Variants in CDH13 observed in about 807,000 individuals in gnomAD.
CDH13 encodes cadherin 13, also known as cadherin-13.
In CDH13, 24 loss-of-function variants were observed where a neutral mutation model predicts 63.8. The observed-to-expected ratio is 0.38, with a 90% confidence interval of 0.27 to 0.53. The LOEUF is 0.53. Among genes scored for constraint, CDH13 ranks in the 20% least tolerant of loss-of-function variants. The probability of loss-of-function intolerance (pLI) is 0.85; values close to 1 mark genes in which losing one functional copy is unlikely to be tolerated. For missense variants in CDH13, 1,049 were observed against 903.1 expected, an observed-to-expected ratio of 1.16 and a Z score of -2.07; for synonymous variants, 503 against 355.3, an observed-to-expected ratio of 1.42 and a Z score of -4.67.
chr16:82,742,875 C>T (rs1462171144), intron 1 of CDH13, among the ~76,000 whole-genome samples: 1 of 152,064 alleles, frequency 6.6e-6, no homozygotes, highest in African/African-American at 2.4e-5. Context: ...TCCATGAGTC[C>T]ATTAAAAACA....
intron 5 of CDH13, 112 bp downstream of exon 5, chr16:83,217,609 G>A: frequency 9.5e-7 from 1 of 1,054,212 alleles, no homozygotes; most frequent in Non-Finnish European, 1.4e-6. Context: ...GGGACTGCAT[G>A]GCTTTAGGGT....
At chr16:83,301,033 T>TTG in intron 5 of CDH13, among the ~76,000 whole-genome samples, 1 of 129,126 alleles carries the variant, frequency 7.7e-6, no homozygotes, top group East Asian at 2.3e-4. Flanking sequence ...GGGTTTTTTT[T>TTG]TTTTTTTTTT....
chr16:83,216,411 T>C lies in CDH13; in HGVS notation c.484-934T>C, dbSNP rs528247280. ...TCCAGCATTGAAATATATATATATATATATATATATATATATATATATATA... is the reference window on the plus strand; with the variant it reads ...TCCAGCATTGAAATATATATATATACATATATATATATATATATATATATA... On this transcript the variant is annotated intron_variant, in intron 4 of 13. Coordinates refer to ENST00000567109, the MANE Select transcript of CDH13 (RefSeq NM_001257.5). Among the ~76,000 whole-genome samples, 250 of 80,002 alleles carry C rather than the reference T, an allele frequency of 3.1e-3. 16 individuals are homozygous for C. Among genetic ancestry groups the C allele is most frequent in the Non-Finnish European group, 5.2e-3 (203 of 39,288 alleles). 52.5% of individuals were successfully genotyped at this position (80,002 alleles called of 152,430 possible).
intron 8 of CDH13, among the ~76,000 whole-genome samples, chr16:83,627,646 G>A (rs1231448856): frequency 6.6e-6 from 1 of 152,060 alleles, no homozygotes; most frequent in Admixed American, 6.5e-5. Flanking sequence ...GGCCTCTCAG[G>A]CTCAACCAAT....
chr16:82,858,487 C>G lies in CDH13; in HGVS notation c.157+14C>G, dbSNP rs760878454. The G allele has an allele frequency of 5.6e-6, 8 of 1,440,716 alleles. No homozygotes were observed. The highest frequency in any genetic ancestry group is 3.4e-5 in the South Asian group (3 of 87,516). 89.2% of individuals were successfully genotyped at this position (1,440,716 alleles called of 1,614,324 possible). A position where few individuals can be genotyped will look rare whatever the true frequency, so the allele number is the denominator to read the frequency against. On this transcript the variant is annotated intron_variant, in intron 2 of 13. Transcript: ENST00000567109. ...CAATTCTAAACTGTAAGCAATGTCA[C>G]TCAAAGATGCTTTTAGACTCTTCTC...
At chr16:83,179,018 G>A (rs2038240801) in intron 4 of CDH13, among the ~76,000 whole-genome samples, 1 of 152,074 alleles carries the variant, frequency 6.6e-6, no homozygotes, top group South Asian at 2.1e-4. Context: ...ACAACTATTT[G>A]TTCATAGGAC....
intron 4 of CDH13, among the ~76,000 whole-genome samples, chr16:83,203,705 A>C (rs1260682281): frequency 6.6e-6 from 1 of 151,770 alleles, no homozygotes; most frequent in African/African-American, 2.4e-5. Flanking sequence ...AAAATAAAGC[A>C]AAATCTATAC....
rs768560727 is a variant in CDH13, at chr16:83,191,462, T to TAGATATAG, written c.484-25882_484-25881insGATATAGA. The stretch of plus-strand genomic sequence containing the variant: ...AGAAGGACAGAACTAATAGGAAATA[T>TAGATATAG]ATATATATATATATATATATATATA... On this transcript the variant is annotated intron_variant, in intron 4 of 13. Transcript: ENST00000567109. 5.2e-3 allele frequency among the ~76,000 whole-genome samples: 552 copies of TAGATATAG among 105,548 alleles called. 4 individuals carry two copies. Among genetic ancestry groups the TAGATATAG allele is most frequent in the Non-Finnish European group, 8.1e-3 (422 of 52,072 alleles). 69.2% of individuals were successfully genotyped at this position (105,548 alleles called of 152,430 possible).
chr16:83,725,349 G>A (rs966885735), intron 10 of CDH13: 3 of 152,258 alleles, frequency 2.0e-5, no homozygotes, highest in Non-Finnish European at 4.4e-5. Flanking sequence ...CGTCAGTCTG[G>A]GAAACATGAG....
At chr16:83,359,873 G>A (rs893049456) in intron 6 of CDH13, among the ~76,000 whole-genome samples, 5 of 152,072 alleles carry the variant, frequency 3.3e-5, no homozygotes, top group Non-Finnish European at 5.9e-5. Context: ...AGAATTGTGC[G>A]ATCATTGCCA....
At chr16:83,720,025 G>A (rs946515468) in intron 10 of CDH13, among the ~76,000 whole-genome samples, 28 of 152,186 alleles carry the variant, frequency 1.8e-4, no homozygotes, top group African/African-American at 6.3e-4. Context: ...ATTCAAGATG[G>A]AATCAAGCTT....
chr16:83,289,956 C>T (rs1291514962), intron 5 of CDH13, among the ~76,000 whole-genome samples: 2 of 152,168 alleles, frequency 1.3e-5, no homozygotes, highest in South Asian at 2.1e-4. Flanking sequence ...GAACAAGACT[C>T]TTCCTCTTAT....
chr16:82,719,066 G>T (rs527757198), intron 1 of CDH13, among the ~76,000 whole-genome samples: 1 of 152,298 alleles, frequency 6.6e-6, no homozygotes, highest in Non-Finnish European at 1.5e-5. Context: ...TTCCCTGGGT[G>T]GTTATGAGCC....
chr16:83,701,210 A>G (rs1906169565), intron 10 of CDH13, among the ~76,000 whole-genome samples: 1 of 152,196 alleles, frequency 6.6e-6, no homozygotes, highest in East Asian at 1.9e-4. Context: ...GAGCCAGAAT[A>G]AAACTCTCAG....
intron 1 of CDH13, among the ~76,000 whole-genome samples, chr16:82,675,523 G>C (rs1200999013): frequency 6.6e-6 from 1 of 152,146 alleles, no homozygotes; most frequent in Non-Finnish European, 1.5e-5. Context: ...TGACTCCTTG[G>C]CCCAGCACAG....
intron 5 of CDH13, among the ~76,000 whole-genome samples, chr16:83,273,044 G>T (rs2088873589): frequency 6.6e-6 from 1 of 152,118 alleles, no homozygotes; most frequent in African/African-American, 2.4e-5. Context: ...ACAGGCTTTT[G>T]TTTCGTAACT....
At chr16:83,672,409 C>CTTTTTTT (rs34156503) in intron 9 of CDH13, among the ~76,000 whole-genome samples, 782 of 35,150 alleles carry the variant, frequency 0.022, 232 homozygotes, top group Non-Finnish European at 0.031. Flanking sequence ...TCTGGATTCT[C>CTTTTTTT]TTTTTTTTTT....
intron 8 of CDH13, among the ~76,000 whole-genome samples, chr16:83,626,704 C>T (rs1190109491): frequency 6.6e-6 from 1 of 152,142 alleles, no homozygotes; most frequent in Non-Finnish European, 1.5e-5. Flanking sequence ...TTGCCTCCTA[C>T]TTCCAATTCA....
At chr16:82,861,729 A>G (rs2039954167) in intron 2 of CDH13, among the ~76,000 whole-genome samples, 2 of 152,172 alleles carry the variant, frequency 1.3e-5, no homozygotes, top group Admixed American at 6.5e-5. Context: ...TCACATCTGA[A>G]TCACTCTTTA....
Sources: gnomAD v4.1 joint callset for allele counts (sites outside exome capture counted in the v4.1 genomes callset) on GRCh38, gnomAD v4.1.1 for gene constraint, MANE v1.5 for transcripts, NCBI Gene and HGNC (gene_info 2026-07-23, HGNC 2026-07-21) for gene names.